The following PPP2R1A variants were observed in gnomAD, a reference collection of about 807,000 sequenced individuals.
PPP2R1A encodes the protein serine/threonine-protein phosphatase 2A 65 kDa regulatory subunit A alpha isoform.
Under a neutral mutation model 67.1 loss-of-function variants are expected in PPP2R1A, and 15 were observed. The observed-to-expected ratio is 0.22, with a 90% CI of 0.15 to 0.34. The LOEUF is 0.34. PPP2R1A is among the 10% of genes least tolerant of loss of function. The probability of loss-of-function intolerance (pLI) is 1.00; values close to 1 mark genes in which losing one functional copy is unlikely to be tolerated. For missense variants in PPP2R1A, 369 were observed against 775.0 expected, an observed-to-expected ratio of 0.48 and a Z score of 6.22; for synonymous variants, 337 against 325.0, an observed-to-expected ratio of 1.04 and a Z score of -0.40.
chr19:52,222,437 G>A, intron 13 of PPP2R1A, 196 bp downstream of exon 13: 1 of 773,418 alleles, frequency 1.3e-6, no homozygotes, highest in East Asian at 3.2e-5. Context: ...TAGAAAGAGG[G>A]GGTGATGGGT....
intron 1 of PPP2R1A, among the ~76,000 whole-genome samples, chr19:52,192,026 G>A (rs1265090457): frequency 6.6e-6 from 1 of 152,172 alleles, no homozygotes; most frequent in Non-Finnish European, 1.5e-5. Flanking sequence ...AGAGTATACT[G>A]GGGATAAGCA....
intron 2 of PPP2R1A, among the ~76,000 whole-genome samples, chr19:52,205,273 G>C (rs1324424349): frequency 3.9e-5 from 6 of 152,170 alleles, no homozygotes; most frequent in Non-Finnish European, 8.8e-5. Context: ...AGAGGCCTTT[G>C]GATGTGGGCA....
At chr19:52,207,623 G>A (rs566565694) in intron 3 of PPP2R1A, among the ~76,000 whole-genome samples, 1 of 152,342 alleles carries the variant, frequency 6.6e-6, no homozygotes, top group South Asian at 2.1e-4. Context: ...CTGGAAACCA[G>A]AGAAGAGTTA....
At chr19:52,208,701 T>C (rs973624768) in intron 3 of PPP2R1A, among the ~76,000 whole-genome samples, 3 of 152,080 alleles carry the variant, frequency 2.0e-5, no homozygotes, top group African/African-American at 7.2e-5. Flanking sequence ...GGTTTCACCA[T>C]GTTGGCCAGG....
intron 1 of PPP2R1A, among the ~76,000 whole-genome samples, chr19:52,197,239 G>A (rs2089504889): frequency 6.6e-6 from 1 of 152,156 alleles, no homozygotes; most frequent in Non-Finnish European, 1.5e-5. Context: ...CTTACCAGTG[G>A]AAATCAGGAG....
Position 52,209,986 on chromosome 19 carries a change from C to T in PPP2R1A, c.271-1274C>T, listed in dbSNP as rs189901512. 2.6e-5 allele frequency among the ~76,000 whole-genome samples: 4 copies of T among 152,378 alleles called. No homozygotes were observed. The East Asian group carries it at 5.8e-4, about 22-fold the overall frequency. ...GGGCTACATGCCCTCCAGGGTGCCA[C>T]AGTGCCTGCCTCTTCCTATTCATGC... On this transcript the variant is annotated intron_variant, in intron 3 of 14. Transcript: ENST00000322088.
Position 52,205,985 on chromosome 19 carries a change from G to A in PPP2R1A, c.192G>A (p.Glu64=), listed in dbSNP as rs11537696. The change falls in exon 3 of 15, where the codon GAG becomes GAA. Residue 64 remains glutamate, a synonymous_variant. Coordinates refer to ENST00000322088, the MANE Select transcript of PPP2R1A (RefSeq NM_014225.6). ...FLTDTIYDED[E]VLLALAEQLG... ...CAGATACCATCTATGATGAAGATGA[G>A]GTCCTCCTGGCCCTGGCAGAACAGC... 9 of 1,614,082 alleles carry A rather than the reference G, an allele frequency of 5.6e-6. No individual in the cohort carries two copies. The highest frequency in any genetic ancestry group is 1.7e-5 in the Admixed American group (1 of 60,008).
chr19:52,193,600 T>A (rs1253307304), intron 1 of PPP2R1A, among the ~76,000 whole-genome samples: 1 of 152,160 alleles, frequency 6.6e-6, no homozygotes, highest in South Asian at 2.1e-4. Context: ...ATTTTATTTT[T>A]TTTGAGACAG....
chr19:52,211,725 G>A lies in PPP2R1A; in HGVS notation c.503+233G>A. 1 of 567,068 alleles carries A rather than the reference G, an allele frequency of 1.8e-6. No homozygotes were observed. Among genetic ancestry groups the A allele is most frequent in the Non-Finnish European group, 3.1e-6 (1 of 320,584 alleles). 35.1% of individuals were successfully genotyped at this position (567,068 alleles called of 1,614,324 possible). A position where few individuals can be genotyped will look rare whatever the true frequency, so the allele number is the denominator to read the frequency against. On this transcript the variant is annotated intron_variant, in intron 4 of 14. Transcript: ENST00000322088. The surrounding 1 kb of genome is among the most constrained non-coding windows in gnomAD (Gnocchi z 5.3). ...TCACTTAGGAATTGAGATGATGACA[G>A]GTCCTCCTTCCCACTGGTTAATGTG...
Position 52,211,572 on chromosome 19 carries a change from T to G in PPP2R1A, c.503+80T>G. The stretch of plus-strand genomic sequence containing the variant: ...CTAAAGCCTCAGACTCCTTTTGGTC[T>G]AGCTGGGGCCCAAATGCCCCTGAAC... On this transcript the variant is annotated intron_variant, in intron 4 of 14. Coordinates refer to ENST00000322088, the MANE Select transcript of PPP2R1A (RefSeq NM_014225.6). This position sits in a 1 kb window ranked among gnomAD's most constrained non-coding sequence, Gnocchi z 5.3. 7.0e-7 allele frequency: 1 copy of G among 1,434,996 alleles called. No homozygotes were observed. The allele number at this position is 1,434,996 out of a possible 1,614,324, so 88.9% of individuals were successfully genotyped here. A position where few individuals can be genotyped will look rare whatever the true frequency, so the allele number is the denominator to read the frequency against.
intron 6 of PPP2R1A, among the ~76,000 whole-genome samples, chr19:52,214,474 A>C (rs1401653921): frequency 6.6e-6 from 1 of 152,226 alleles, no homozygotes. Flanking sequence ...TAAAAATTCC[A>C]TGAGGGCAGG....
At chr19:52,196,635 AG>A (rs1395778155) in intron 1 of PPP2R1A, among the ~76,000 whole-genome samples, 1 of 151,948 alleles carries the variant, frequency 6.6e-6, no homozygotes, top group Non-Finnish European at 1.5e-5. Flanking sequence ...GGCTGTAAGT[AG>A]TAGAAAAACT....
At chr19:52,204,150 A>T (rs10407987) in intron 2 of PPP2R1A, among the ~76,000 whole-genome samples, 23,354 of 152,152 alleles carry the variant, frequency 0.15, 1,864 homozygotes, top group African/African-American at 0.19. Flanking sequence ...GGCAGATGTA[A>T]GCTCAGTGTG....
chr19:52,226,039 C>T lies in PPP2R1A; in HGVS notation c.*58C>T. On this transcript the variant is annotated 3_prime_UTR_variant, in exon 15 of 15. Transcript: ENST00000322088. The stretch of plus-strand genomic sequence containing the variant: ...GTCCACCCTCCAACCCCCACAAGTC[C>T]CTCTTTGGGGAGACACTGGGGGGCC... The T allele has an allele frequency of 1.2e-6, 2 of 1,612,856 alleles. No individual in the cohort carries two copies. The highest frequency in any genetic ancestry group is 8.5e-7 in the Non-Finnish European group (1 of 1,178,812).
chr19:52,216,139 C>T lies in PPP2R1A; in HGVS notation c.993+65C>T. On this transcript the variant is annotated intron_variant, in intron 8 of 14. Coordinates refer to ENST00000322088, the MANE Select transcript of PPP2R1A (RefSeq NM_014225.6). The surrounding 1 kb of genome is among the most constrained non-coding windows in gnomAD (Gnocchi z 4.3). Reference sequence around the variant, plus strand: ...GCCTGCCAAAAAGAGGGGCTGGAGACAAGGCTTTGGGGATAGTCAGCTGCA... The same window carrying T: ...GCCTGCCAAAAAGAGGGGCTGGAGATAAGGCTTTGGGGATAGTCAGCTGCA... The T allele has an allele frequency of 2.6e-6, 4 of 1,540,648 alleles. No homozygotes were observed. Among genetic ancestry groups the T allele is most frequent in the Non-Finnish European group, 3.6e-6 (4 of 1,114,872 alleles).
Position 52,216,079 on chromosome 19 carries a change from C to T in PPP2R1A, c.993+5C>T. On this transcript the variant is annotated splice_donor_5th_base_variant and intron_variant, in intron 8 of 14. Coordinates refer to ENST00000322088, the MANE Select transcript of PPP2R1A (RefSeq NM_014225.6). This position sits in a 1 kb window ranked among gnomAD's most constrained non-coding sequence, Gnocchi z 4.3. ...CAGATCTTGCCCTGCATCAAGGTAA[C>T]AGAGAGTTTGATGGGAGGAACCAAG... 6.2e-7 allele frequency: 1 copy of T among 1,611,676 alleles called. No homozygotes were observed. The highest frequency in any genetic ancestry group is 8.5e-7 in the Non-Finnish European group (1 of 1,177,844).
At chr19:52,224,140 G>A (rs1263997879) in intron 13 of PPP2R1A, among the ~76,000 whole-genome samples, 5 of 152,222 alleles carry the variant, frequency 3.3e-5, no homozygotes, top group Non-Finnish European at 7.3e-5. Flanking sequence ...GAAACAGGCA[G>A]AATGAAGGAA....
At chr19:52,194,421 C>G (rs575155352) in intron 1 of PPP2R1A, among the ~76,000 whole-genome samples, 2 of 152,136 alleles carry the variant, frequency 1.3e-5, no homozygotes, top group South Asian at 4.2e-4. Context: ...AAGGTGAAGG[C>G]CTTGAAGATG....
At chr19:52,208,050 T>C (rs1391754446) in intron 3 of PPP2R1A, among the ~76,000 whole-genome samples, 1 of 152,210 alleles carries the variant, frequency 6.6e-6, no homozygotes, top group Non-Finnish European at 1.5e-5. Flanking sequence ...GCAAGGTCTC[T>C]AGGCTATGGA....
Sources: allele counts gnomAD v4.1 joint callset (sites outside exome capture counted in the v4.1 genomes callset), GRCh38; gene constraint gnomAD v4.1.1; non-coding constraint Gnocchi (gnomAD v3.1); transcripts MANE v1.5; gene names NCBI Gene and HGNC (gene_info 2026-07-23, HGNC 2026-07-21).